Variants in GIMAP8 observed in about 807,000 individuals in gnomAD.
The protein encoded by GIMAP8 is GTPase, IMAP family member 8.
Under a neutral mutation model 35.6 loss-of-function variants are expected in GIMAP8, and 29 were observed. The ratio of observed to expected loss-of-function variants is 0.81; its 90% CI spans 0.61 to 1.11. The LOEUF (loss-of-function observed/expected upper bound fraction) is 1.11, where lower values mean the gene tolerates loss of function less well. GIMAP8 is among the 50% of genes most tolerant of loss of function. GIMAP8 has a pLI of 0.00. For missense variants in GIMAP8, 811 were observed against 805.0 expected (o/e 1.01, Z -0.09); for synonymous variants, 335 against 308.7 (o/e 1.09, Z -0.89).
At position 150,467,112 on chromosome 7, in the gene GIMAP8, T is replaced by C; in HGVS notation, c.414T>C (p.Asp138=). The change falls in exon 2 of 5, where the codon GAT becomes GAC. Residue 138 remains aspartate (D), a synonymous_variant. Coordinates refer to ENST00000307271, the MANE Select transcript of GIMAP8 (RefSeq NM_175571.4). ...TTATTGTCTTCACTCGGAAGGATGA[T>C]TTGGGGGATGACTTGCTGCAAGATT... The part of the protein sequence containing the change: ...HIIIVFTRKD[D]LGDDLLQDFI... 6.2e-7 allele frequency: 1 copy of C among 1,614,086 alleles called. No homozygotes were observed. Among genetic ancestry groups the C allele is most frequent in the Non-Finnish European group, 8.5e-7 (1 of 1,180,016 alleles).
intron 1 of GIMAP8, among the ~76,000 whole-genome samples, chr7:150,466,085 A>G (rs761779284): frequency 6.6e-6 from 1 of 152,188 alleles, no homozygotes; most frequent in East Asian, 1.9e-4. Flanking sequence ...TGGGTGCATC[A>G]CGAGTCCCAC....
rs1802115730 is a variant in GIMAP8 at position 150,472,582 on chromosome 7, C to G, written c.683-1430C>G. Among the ~76,000 whole-genome samples, 1 of 152,166 alleles carries G rather than the reference C, an allele frequency of 6.6e-6. No individual in the cohort carries two copies. Among genetic ancestry groups the G allele is most frequent in the Non-Finnish European group, 1.5e-5 (1 of 68,024 alleles). On this transcript the variant is annotated intron_variant, in intron 3 of 4. Coordinates refer to ENST00000307271, the MANE Select transcript of GIMAP8 (RefSeq NM_175571.4). This position sits in a 1 kb window ranked among gnomAD's most constrained non-coding sequence, Gnocchi z 4.1. The stretch of plus-strand genomic sequence containing the variant: ...GGCTATTTATTATCCCTTCTCACTC[C>G]TACTTTTAACCACTGCACTGTATGG...
chr7:150,478,218 C>G lies in GIMAP8; in HGVS notation c.*438C>G, dbSNP rs1368607846. Reference sequence around the variant, plus strand: ...GCGTTCAGCACACTCCTGGGCATGGCGGAAGCAGGAAGCAGACTCCAGAGG... The same window carrying G: ...GCGTTCAGCACACTCCTGGGCATGGGGGAAGCAGGAAGCAGACTCCAGAGG... On this transcript the variant is annotated 3_prime_UTR_variant, in exon 5 of 5. Coordinates refer to ENST00000307271, the MANE Select transcript of GIMAP8 (RefSeq NM_175571.4). 1 of 166,710 alleles carries G rather than the reference C, an allele frequency of 6.0e-6. No homozygotes were observed. The highest frequency in any genetic ancestry group is 2.4e-5 in the African/African-American group (1 of 41,616). The allele number at this position is 166,710 out of a possible 1,614,324, so 10.3% of individuals were successfully genotyped here.
In GIMAP8 at chr7:150,477,462, G is replaced by A. The variant is rs1203845409; in HGVS notation, c.1680G>A (p.Ala560=). The A allele has an allele frequency of 6.2e-7, 1 of 1,614,094 alleles. No homozygotes were observed. Among genetic ancestry groups the A allele is most frequent in the Non-Finnish European group, 8.5e-7 (1 of 1,179,952 alleles). The change falls in exon 5 of 5, where the codon GCG becomes GCA. Residue 560 remains alanine (A), a synonymous_variant. Transcript: ENST00000307271. ...TTGGAGCAGACTTTACGAAATACGC[G>A]ATTATGCTGTTCACCCGGAAGGAAG... ...AIFGADFTKY[A]IMLFTRKEDL...
In GIMAP8 at chr7:150,472,283, T is replaced by C. The variant is rs951156365; in HGVS notation, c.682+1409T>C. On this transcript the variant is annotated intron_variant, in intron 3 of 4. Coordinates refer to ENST00000307271, the MANE Select transcript of GIMAP8 (RefSeq NM_175571.4). The surrounding 1 kb of genome is among the most constrained non-coding windows in gnomAD (Gnocchi z 4.1). Reference sequence around the variant, plus strand: ...CTCCAGGATGGATGCGCTTAGGAAGTGGGGGGTAGTTCCACAATGAAGTGT... The same window carrying C: ...CTCCAGGATGGATGCGCTTAGGAAGCGGGGGGTAGTTCCACAATGAAGTGT... Among the ~76,000 whole-genome samples, 11 of 151,996 alleles carry C rather than the reference T, an allele frequency of 7.2e-5. No homozygotes were observed. Among genetic ancestry groups the C allele is most frequent in the Non-Finnish European group, 1.6e-4 (11 of 67,966 alleles).
chr7:150,452,023 G>A (rs1486248624), intron 1 of GIMAP8, among the ~76,000 whole-genome samples: 1 of 152,172 alleles, frequency 6.6e-6, no homozygotes, highest in African/African-American at 2.4e-5. Context: ...TGGATGCTGT[G>A]CTCAGATGCC....
At position 150,477,244 on chromosome 7, in the gene GIMAP8, G is replaced by A. The variant is rs1802252806; in HGVS notation, c.1462G>A (p.Glu488Lys). Residue 488 changes from glutamate (E) to lysine (K), a missense_variant, in exon 5 of 5, where the codon GAG becomes AAG. Glu to Lys is a moderately conservative substitution (Grantham distance 56). Coordinates refer to ENST00000307271, the MANE Select transcript of GIMAP8 (RefSeq NM_175571.4). ...QSGRRTWDGQ[E>K]VVVVDTPSFN... is the part of the protein sequence containing the mutation. ...TGGCAGGAGGACATGGGACGGACAG[G>A]AGGTGGTGGTTGTGGACACTCCTTC... 1 of 1,614,148 alleles carries A rather than the reference G, an allele frequency of 6.2e-7. No homozygotes were observed. Among genetic ancestry groups the A allele is most frequent in the Non-Finnish European group, 8.5e-7 (1 of 1,180,020 alleles).
intron 1 of GIMAP8, among the ~76,000 whole-genome samples, chr7:150,454,402 G>A (rs1313999176): frequency 6.6e-6 from 1 of 152,156 alleles, no homozygotes; most frequent in Non-Finnish European, 1.5e-5. Context: ...TACTGCAAAA[G>A]TCCAAAGAGG....
intron 3 of GIMAP8, among the ~76,000 whole-genome samples, chr7:150,473,331 T>C (rs1802137182): frequency 1.3e-5 from 2 of 151,968 alleles, no homozygotes; most frequent in African/African-American, 2.4e-5. Flanking sequence ...AGCAAACAGC[T>C]TGATGCCTTT....
chr7:150,477,939 T>C lies in GIMAP8; in HGVS notation c.*159T>C, dbSNP rs1802278212. On this transcript the variant is annotated 3_prime_UTR_variant, in exon 5 of 5. Transcript: ENST00000307271. The stretch of plus-strand genomic sequence containing the variant: ...TTGTGATGTATCAGCTATTTGTAGA[T>C]AAATAAATTGCAGGTGGGGGCGAAT... 8.3e-6 allele frequency: 5 copies of C among 604,740 alleles called. No individual in the cohort carries two copies. In the East Asian group the frequency reaches 1.4e-4, roughly 17 times the overall value. The allele number at this position is 604,740 out of a possible 1,614,324, so 37.5% of individuals were successfully genotyped here.
intron 1 of GIMAP8, among the ~76,000 whole-genome samples, chr7:150,453,165 T>C (rs1165697333): frequency 6.6e-6 from 1 of 152,126 alleles, no homozygotes; most frequent in Non-Finnish European, 1.5e-5. Context: ...ATCAATGTTA[T>C]GAAGAAAATT....
rs1396093693 is a variant in GIMAP8, at chr7:150,477,355, G to C, written c.1573G>C (p.Asp525His). Reference protein sequence around the residue: ...KRCLSCCEKGDTFFVLVFQLG... With the variant: ...KRCLSCCEKGHTFFVLVFQLG... ...CTGTTTGTCCTGCTGTGAAAAAGGG[G>C]ACACATTTTTTGTCCTGGTGTTCCA... is the stretch of plus-strand genomic sequence containing the variant. The change falls in exon 5 of 5, where the codon GAC becomes CAC. Residue 525 changes from aspartate to histidine, a missense_variant. By Grantham distance (81) the Asp-to-His change is moderately conservative. Coordinates refer to ENST00000307271, the MANE Select transcript of GIMAP8 (RefSeq NM_175571.4). 6.2e-7 allele frequency: 1 copy of C among 1,614,202 alleles called. No homozygotes were observed. The highest frequency in any genetic ancestry group is 2.2e-5 in the East Asian group (1 of 44,888).
rs1432953669 is a variant in GIMAP8 at position 150,478,127 on chromosome 7, A to T, written c.*347A>T. The T allele has an allele frequency of 3.7e-5, 10 of 267,728 alleles. No individual in the cohort carries two copies. The South Asian group carries it at 6.2e-4, about 17-fold the overall frequency. 16.6% of individuals were successfully genotyped at this position (267,728 alleles called of 1,614,324 possible). A position where few individuals can be genotyped will look rare whatever the true frequency, so the allele number is the denominator to read the frequency against. ...AGACACTGTGATCAAGGCTGAGGCC[A>T]CCTGGGATGAGAATATAGATAGTCG... is the stretch of plus-strand genomic sequence containing the variant. On this transcript the variant is annotated 3_prime_UTR_variant, in exon 5 of 5. Transcript: ENST00000307271.
chr7:150,452,709 T>TATATATATATATACACAC (rs1373884339), intron 1 of GIMAP8, among the ~76,000 whole-genome samples: 23 of 106,618 alleles, frequency 2.2e-4, no homozygotes, highest in African/African-American at 6.4e-4. Context: ...TATATATATA[T>TATATATATATATACACAC]ACATGCGAGT....
chr7:150,477,004 G>A, intron 4 of GIMAP8, 88 bp from the exon 5 acceptor site: 4 of 987,778 alleles, frequency 4.0e-6, no homozygotes, highest in Non-Finnish European at 6.2e-6. Flanking sequence ...GTTTACTTTA[G>A]TGATGTAATC....
intron 1 of GIMAP8, among the ~76,000 whole-genome samples, chr7:150,463,250 C>A (rs1300270576): frequency 6.6e-6 from 1 of 151,618 alleles, no homozygotes; most frequent in African/African-American, 2.4e-5. Flanking sequence ...ATTGTTTTTT[C>A]TGATTTCTTT....
intron 1 of GIMAP8, among the ~76,000 whole-genome samples, chr7:150,454,865 C>T (rs554114585): frequency 3.3e-5 from 5 of 151,318 alleles, no homozygotes; most frequent in East Asian, 1.9e-4. Context: ...ACAGGCCGGG[C>T]GCAGTGGTTC....
chr7:150,470,781 G>C (rs1396126468), intron 2 of GIMAP8, 48 bp from the exon 3 acceptor site: 1 of 427,990 alleles, frequency 2.3e-6, no homozygotes, highest in Non-Finnish European at 4.2e-6. Flanking sequence ...GTTTGTGGAA[G>C]ATGAGGTTTT....
chr7:150,464,891 T>G (rs1801920217), intron 1 of GIMAP8, among the ~76,000 whole-genome samples: 1 of 152,140 alleles, frequency 6.6e-6, no homozygotes, highest in Non-Finnish European at 1.5e-5. Flanking sequence ...GATCAGATAA[T>G]GAGTGTAAGC....
Sources: gnomAD v4.1 joint callset for allele counts (sites outside exome capture counted in the v4.1 genomes callset) on GRCh38, gnomAD v4.1.1 for gene constraint, Gnocchi (gnomAD v3.1) non-coding constraint, MANE v1.5 for transcripts, NCBI Gene and HGNC (gene_info 2026-07-23, HGNC 2026-07-21) for gene names.